The following TMEM87A variants were observed in gnomAD, a reference collection of about 807,000 sequenced individuals.
The protein encoded by TMEM87A is transmembrane protein 87A.
Under a neutral mutation model 90.0 loss-of-function variants are expected in TMEM87A, and 50 were observed. That is an observed-to-expected ratio of 0.56 (90% CI 0.44 to 0.70). The LOEUF (loss-of-function observed/expected upper bound fraction) is 0.70. Among genes scored for constraint, TMEM87A ranks in the 30% least tolerant of loss-of-function variants. The pLI, the probability that TMEM87A is intolerant of heterozygous loss-of-function variation, is 0.00. For synonymous variants in TMEM87A, 226 were observed against 226.7 expected, an observed-to-expected ratio of 1.00 and a Z score of 0.03; for missense variants, 577 against 660.5, an observed-to-expected ratio of 0.87 and a Z score of 1.39.
chr15:42,265,882 A>G (rs1251296206), intron 3 of TMEM87A, among the ~76,000 whole-genome samples: 1 of 152,030 alleles, frequency 6.6e-6, no homozygotes, highest in Non-Finnish European at 1.5e-5. Context: ...TCTTGAGTTG[A>G]TTTTTGAATA....
At chr15:42,251,845 C>G (rs2051092535) in intron 6 of TMEM87A, among the ~76,000 whole-genome samples, 1 of 152,338 alleles carries the variant, frequency 6.6e-6, no homozygotes, top group East Asian at 1.9e-4. Flanking sequence ...CTATGCCCTG[C>G]CCCCAGAGGT....
chr15:42,241,305 C>T (rs2050862302), intron 7 of TMEM87A, among the ~76,000 whole-genome samples: 1 of 152,054 alleles, frequency 6.6e-6, no homozygotes, highest in Non-Finnish European at 1.5e-5. Context: ...CTATCCCTCT[C>T]AGCCAGACTA....
At chr15:42,255,290 T>C (rs2051156931) in intron 6 of TMEM87A, among the ~76,000 whole-genome samples, 1 of 152,046 alleles carries the variant, frequency 6.6e-6, no homozygotes, top group Non-Finnish European at 1.5e-5. Flanking sequence ...TGTGCCACCA[T>C]GCGCAGCTAA....
intron 11 of TMEM87A, chr15:42,231,843 T>C (rs1263154680): frequency 1.6e-6 from 2 of 1,260,120 alleles, no homozygotes; most frequent in Non-Finnish European, 2.1e-6. Flanking sequence ...TGAAAGGATA[T>C]CCATAAAATA....
intron 19 of TMEM87A, among the ~76,000 whole-genome samples, chr15:42,214,031 A>C (rs1307487961): frequency 2.0e-5 from 3 of 152,250 alleles, no homozygotes; most frequent in African/African-American, 7.2e-5. Context: ...CATTTTTAAA[A>C]ATATGCCAAG....
intron 6 of TMEM87A, among the ~76,000 whole-genome samples, chr15:42,253,093 C>T (rs942451240): frequency 2.6e-5 from 4 of 152,178 alleles, no homozygotes; most frequent in Admixed American, 2.6e-4. Flanking sequence ...TTCTTAAACA[C>T]CAGGAGCCAA....
chr15:42,255,775 G>T (rs1193223340), intron 6 of TMEM87A, among the ~76,000 whole-genome samples: 82 of 139,538 alleles, frequency 5.9e-4, no homozygotes, highest in Admixed American at 3.1e-3. Context: ...ATAGATTTTT[G>T]TTTTTTTTTT....
Position 42,211,716 on chromosome 15 carries a change from T to C in TMEM87A, c.1660A>G (p.Met554Val). ...GCAAATCTTCCCATTCCTTACTCCATTTTGGACCTTTCAAAGTGTGTGATC... is the reference window on the plus strand; with the variant it reads ...GCAAATCTTCCCATTCCTTACTCCACTTTGGACCTTTCAAAGTGTGTGATC... ...RMITHFERSK[M>V]E Residue 554 changes from methionine to valine, a missense_variant, in exon 20 of 20, where the codon ATG (methionine) becomes GTG (valine). Physicochemically the swap from Met to Val is conservative, Grantham distance 21. Coordinates refer to ENST00000389834, the MANE Select transcript of TMEM87A (RefSeq NM_015497.5). 6.2e-7 allele frequency: 1 copy of C among 1,613,158 alleles called. No individual in the cohort carries two copies. Among genetic ancestry groups the C allele is most frequent in the East Asian group, 2.2e-5 (1 of 44,866 alleles).
chr15:42,211,218 T>C lies in TMEM87A; in HGVS notation c.*490A>G, dbSNP rs2050280440. 6.6e-6 allele frequency: 1 copy of C among 152,330 alleles called. No homozygotes were observed. The highest frequency in any genetic ancestry group is 1.5e-5 in the Non-Finnish European group (1 of 68,152). 9.4% of individuals were successfully genotyped at this position (152,330 alleles called of 1,614,324 possible). A position where few individuals can be genotyped will look rare whatever the true frequency, so the allele number is the denominator to read the frequency against. Reference sequence around the variant, plus strand: ...GGCCCTTTTTTCTCAAAACAACCTCTGCAAGATGTAACCTTGACTTCCCAG... The same window carrying C: ...GGCCCTTTTTTCTCAAAACAACCTCCGCAAGATGTAACCTTGACTTCCCAG... On this transcript the variant is annotated 3_prime_UTR_variant, in exon 20 of 20. Coordinates refer to ENST00000389834, the MANE Select transcript of TMEM87A (RefSeq NM_015497.5).
chr15:42,264,701 T>TATA (rs1566941898), intron 3 of TMEM87A, among the ~76,000 whole-genome samples: 38 of 12,488 alleles, frequency 3.0e-3, no homozygotes, highest in African/African-American at 4.5e-3. Context: ...ATATATATAT[T>TATA]TTTTTTTTAA....
intron 6 of TMEM87A, among the ~76,000 whole-genome samples, chr15:42,254,595 C>G (rs183874013): frequency 2.0e-5 from 3 of 152,198 alleles, no homozygotes; most frequent in Non-Finnish European, 4.4e-5. Context: ...CTGAAAGAAG[C>G]CAATCTAAAG....
chr15:42,219,487 G>T, intron 17 of TMEM87A, 94 bp downstream of exon 17: 1 of 1,017,938 alleles, frequency 9.8e-7, no homozygotes, highest in Non-Finnish European at 1.4e-6. Flanking sequence ...CAAGACCAAT[G>T]TCACAGAATT....
chr15:42,246,929 A>G (rs1485034867), intron 6 of TMEM87A, among the ~76,000 whole-genome samples: 2 of 152,066 alleles, frequency 1.3e-5, no homozygotes, highest in African/African-American at 2.4e-5. Flanking sequence ...AAGTGTTCCT[A>G]TTTCTCCACA....
In TMEM87A at chr15:42,249,207, T is replaced by A. The variant is rs112187809; in HGVS notation, c.505-5040A>T. Among the ~76,000 whole-genome samples the A allele has an allele frequency of 8.1e-3, 1,229 of 151,842 alleles. 8 individuals are homozygous for A. The highest frequency in any genetic ancestry group is 0.037 in the Middle Eastern group (11 of 294). ...TTTATTAGTCTTGCTAGAGGTCTAT[T>A]TGGTTGATCTTTTCAAAAAACCAGT... On this transcript the variant is annotated intron_variant, in intron 6 of 19. Transcript: ENST00000389834.
rs1345912873 is a variant in TMEM87A at position 42,237,347 on chromosome 15, AT to A, written c.868+84del. On this transcript the variant is annotated intron_variant, in intron 9 of 19. Coordinates refer to ENST00000389834, the MANE Select transcript of TMEM87A (RefSeq NM_015497.5). ...ATTAAGTAATTGAAAAGTTAAGCCTATGTAGTGACTGCTGACCTTAGGAATA... is the reference window on the plus strand; with the variant it reads ...ATTAAGTAATTGAAAAGTTAAGCCTAGTAGTGACTGCTGACCTTAGGAATA... 8.3e-6 allele frequency: 11 copies of A among 1,332,624 alleles called. No individual in the cohort carries two copies. In the African/African-American group the frequency reaches 1.6e-4, roughly 20 times the overall value. The allele number at this position is 1,332,624 out of a possible 1,614,324, so 82.5% of individuals were successfully genotyped here. A position where few individuals can be genotyped will look rare whatever the true frequency, so the allele number is the denominator to read the frequency against.
At chr15:42,263,836 T>C (rs1488937728) in intron 4 of TMEM87A, among the ~76,000 whole-genome samples, 1 of 152,194 alleles carries the variant, frequency 6.6e-6, no homozygotes, top group Non-Finnish European at 1.5e-5. Context: ...TTAGAAATGG[T>C]TAAAATGGTA....
intron 6 of TMEM87A, among the ~76,000 whole-genome samples, chr15:42,247,744 T>C (rs1414901302): frequency 6.6e-6 from 1 of 152,152 alleles, no homozygotes; most frequent in East Asian, 1.9e-4. Context: ...TTGTTCTCTT[T>C]GCTTAGGATT....
Position 42,220,087 on chromosome 15 carries a change from CT to C in TMEM87A, c.1451del (p.Lys484ArgfsTer5). 1 of 1,608,928 alleles carries C rather than the reference CT, an allele frequency of 6.2e-7. No homozygotes were observed. The highest frequency in any genetic ancestry group is 1.7e-5 in the Admixed American group (1 of 59,008). ...LSEEEEEDEQ[K>X]EPMLKESFEG... ...CAAAGCTTTCTTTCAGCATAGGCTC[CT>C]TTTGTTCATCCTCCTCCTCTTCCTC... On this transcript the variant is annotated frameshift_variant, in exon 16 of 20. Coordinates refer to ENST00000389834, the MANE Select transcript of TMEM87A (RefSeq NM_015497.5). LOFTEE classifies it high-confidence loss of function.
intron 12 of TMEM87A, among the ~76,000 whole-genome samples, chr15:42,229,345 A>C (rs2050648642): frequency 6.6e-6 from 1 of 152,090 alleles, no homozygotes; most frequent in Admixed American, 6.6e-5. Flanking sequence ...AGAAGACAGA[A>C]CCAGAATAAA....
Sources: gnomAD v4.1 joint callset for allele counts (sites outside exome capture counted in the v4.1 genomes callset) on GRCh38, gnomAD v4.1.1 for gene constraint, MANE v1.5 for transcripts, NCBI Gene and HGNC (gene_info 2026-07-23, HGNC 2026-07-21) for gene names.